The following CYP4F8 variants were observed in gnomAD, a reference collection of about 807,000 sequenced individuals.
CYP4F8 encodes the protein cytochrome P450 4F8.
A neutral mutation model predicts 55.0 loss-of-function variants in CYP4F8; 56 were observed. The observed-to-expected ratio is 1.02, with a 90% CI of 0.82 to 1.27. The LOEUF is 1.27. Ranked by LOEUF, CYP4F8 falls within the 50% of genes most tolerant of loss-of-function variation. The probability of loss-of-function intolerance (pLI) is 0.00; values close to 1 mark genes in which losing one functional copy is unlikely to be tolerated. For missense variants in CYP4F8, 680 were observed against 682.4 expected (o/e 1.00, Z 0.04); for synonymous variants, 288 against 267.3 (o/e 1.08, Z -0.76).
At position 15,618,050 on chromosome 19, in the gene CYP4F8, C is replaced by A; in HGVS notation, c.249C>A (p.Thr83=). 2 of 1,614,128 alleles carry A rather than the reference C, an allele frequency of 1.2e-6. No homozygotes were observed. Among genetic ancestry groups the A allele is most frequent in the Non-Finnish European group, 1.7e-6 (2 of 1,179,984 alleles). Reference sequence around the variant, plus strand: ...GGGTCCTGACCCAGCTGGTGGCCACCTACCCCCAGGGCTTTGTGAGGTGGT... The same window carrying A: ...GGGTCCTGACCCAGCTGGTGGCCACATACCCCCAGGGCTTTGTGAGGTGGT... ...GLRVLTQLVA[T]YPQGFVRWLG... is the part of the protein sequence containing the mutation. Residue 83 remains threonine, a synonymous_variant, in exon 3 of 13, where the codon ACC becomes ACA. Transcript: ENST00000612078.
In CYP4F8 at chr19:15,619,340, C is replaced by G; in HGVS notation, c.344-150C>G. 3 of 832,428 alleles carry G rather than the reference C, an allele frequency of 3.6e-6. No individual in the cohort carries two copies. The South Asian group carries it at 5.3e-5, about 15-fold the overall frequency. 51.6% of individuals were successfully genotyped at this position (832,428 alleles called of 1,614,324 possible). A position where few individuals can be genotyped will look rare whatever the true frequency, so the allele number is the denominator to read the frequency against. ...AGTCCGGTCCCCTTTATGCCCCCCA[C>G]CCTCCTTTCTTCTTCTGCCCATGGC... On this transcript the variant is annotated intron_variant, in intron 3 of 12. Transcript: ENST00000612078.
chr19:15,624,220 T>C, intron 9 of CYP4F8, 126 bp downstream of exon 9: 3 of 1,467,952 alleles, frequency 2.0e-6, no homozygotes, highest in Non-Finnish European at 1.8e-6. Flanking sequence ...CTAGTGGGAA[T>C]AGGAGTAGAG....
Position 15,629,425 on chromosome 19 carries a change from T to G in CYP4F8, c.*67T>G, listed in dbSNP as rs891028252. The stretch of plus-strand genomic sequence containing the variant: ...TTTGCACCAACTACCTTTTCAGATT[T>G]CCGGTAATAAATCTGTGTTGGCCCC... On this transcript the variant is annotated 3_prime_UTR_variant, in exon 13 of 13. Transcript: ENST00000612078. 9 of 1,484,240 alleles carry G rather than the reference T, an allele frequency of 6.1e-6. No homozygotes were observed. The highest frequency in any genetic ancestry group is 8.1e-6 in the Non-Finnish European group (9 of 1,115,556). 91.9% of individuals were successfully genotyped at this position (1,484,240 alleles called of 1,614,324 possible).
intron 9 of CYP4F8, chr19:15,627,909 C>T (rs1406320003): frequency 5.0e-6 from 1 of 201,368 alleles, no homozygotes; most frequent in South Asian, 7.7e-5. Flanking sequence ...CAGGTGCCCA[C>T]CACCATGCGT....
intron 9 of CYP4F8, chr19:15,627,990 C>A: frequency 3.0e-6 from 1 of 333,014 alleles, no homozygotes; most frequent in Admixed American, 4.8e-5. Flanking sequence ...AACTCCTGAC[C>A]TCAAGTGATC....
chr19:15,628,903 G>A (rs547101493), intron 12 of CYP4F8, 60 bp downstream of exon 12: 2 of 1,498,730 alleles, frequency 1.3e-6, no homozygotes, highest in South Asian at 2.5e-5. Context: ...TGGCTGCCTT[G>A]TCAGATGCCT....
At chr19:15,619,339 AC>A (rs1436889375) in intron 3 of CYP4F8, 150 bp from the exon 4 acceptor site, 3 of 804,078 alleles carry the variant, frequency 3.7e-6, no homozygotes, top group Non-Finnish European at 5.8e-6. Flanking sequence ...TATGCCCCCC[AC>A]CCTCCTTTCT....
chr19:15,618,061 G>A lies in CYP4F8; in HGVS notation c.260G>A (p.Gly87Asp), dbSNP rs376400817. 6.2e-7 allele frequency: 1 copy of A among 1,614,122 alleles called. No homozygotes were observed. The highest frequency in any genetic ancestry group is 8.5e-7 in the Non-Finnish European group (1 of 1,180,002). The stretch of plus-strand genomic sequence containing the variant: ...CAGCTGGTGGCCACCTACCCCCAGG[G>A]CTTTGTGAGGTGGTTGGGCCCCATC... ...LTQLVATYPQGFVRWLGPITP... is the reference protein window; with the variant it reads ...LTQLVATYPQDFVRWLGPITP... Residue 87 changes from glycine (G) to aspartate (D), a missense_variant, in exon 3 of 13, where the codon GGC (glycine) becomes GAC (aspartate). Coordinates refer to ENST00000612078, the MANE Select transcript of CYP4F8 (RefSeq NM_007253.4).
At chr19:15,621,697 T>C (rs1402131595) in intron 5 of CYP4F8, 1 of 152,524 alleles carries the variant, frequency 6.6e-6, no homozygotes, top group African/African-American at 2.4e-5. Flanking sequence ...ACTCATCATA[T>C]GACAGAAATG....
intron 5 of CYP4F8, 103 bp downstream of exon 5, chr19:15,619,865 T>TTG: frequency 7.1e-7 from 1 of 1,415,914 alleles, no homozygotes; most frequent in South Asian, 1.4e-5. Flanking sequence ...TTGGGGCCAT[T>TTG]GCTCTTCCTC....
In CYP4F8 at chr19:15,628,829, C is replaced by CACCTA; in HGVS notation, c.1383_1384insACCTA (p.Ser462ThrfsTer19). ...GGTCACCTATGGCTTTTATTCCTTT[C>CACCTA]TCGGCGGGGCCCAGGTGAGGCCAGG... On this transcript the variant is annotated frameshift_variant, in exon 12 of 13. Transcript: ENST00000612078. LOFTEE classifies it low-confidence loss of function (END_TRUNC). 1 of 1,603,472 alleles carries CACCTA rather than the reference C, an allele frequency of 6.2e-7. No homozygotes were observed. The highest frequency in any genetic ancestry group is 8.5e-7 in the Non-Finnish European group (1 of 1,175,440).
chr19:15,622,179 G>C (rs1168668639), intron 5 of CYP4F8, 40 bp from the exon 6 acceptor site: 1 of 1,592,830 alleles, frequency 6.3e-7, no homozygotes, highest in Non-Finnish European at 8.5e-7. Context: ...ACTCAGAGGA[G>C]CCAAGGCCTG....
At chr19:15,622,075 C>T in intron 5 of CYP4F8, 144 bp from the exon 6 acceptor site, 2 of 1,117,804 alleles carry the variant, frequency 1.8e-6, no homozygotes, top group Non-Finnish European at 2.5e-6. Flanking sequence ...CACTCTCACC[C>T]AAGCGTAGTC....
intron 3 of CYP4F8, chr19:15,619,275 T>C (rs925913758): frequency 8.8e-6 from 5 of 565,478 alleles, no homozygotes; most frequent in Non-Finnish European, 1.6e-5. Flanking sequence ...TGCTGTACCA[T>C]GTCAGGGTGT....
intron 2 of CYP4F8, 119 bp downstream of exon 2, chr19:15,615,933 T>TCACTCATTCCTCTTCC: frequency 2.7e-6 from 3 of 1,105,374 alleles, no homozygotes; most frequent in South Asian, 4.1e-5. Flanking sequence ...CTCTGATCAC[T>TCACTCATTCCTCTTCC]CACTCATTCC....
intron 7 of CYP4F8, 56 bp downstream of exon 7, chr19:15,623,431 T>A: frequency 6.3e-7 from 1 of 1,597,052 alleles, no homozygotes; most frequent in Non-Finnish European, 8.6e-7. Flanking sequence ...AGGTCAAATG[T>A]CAGATTGAAG....
Position 15,629,054 on chromosome 19 carries a change from T to TG in CYP4F8, c.1398-134dup, listed in dbSNP as rs539762031. ...GGCTCTGGGAATATGCAAGCCCACA[T>TG]GGGGGTCCCAGACCCAGCTTCCCCC... On this transcript the variant is annotated intron_variant, in intron 12 of 12. Coordinates refer to ENST00000612078, the MANE Select transcript of CYP4F8 (RefSeq NM_007253.4). The TG allele has an allele frequency of 5.2e-4, 693 of 1,320,728 alleles. 1 individual carries two copies. The African/African-American group carries it at 9.5e-3, about 18-fold the overall frequency. 81.8% of individuals were successfully genotyped at this position (1,320,728 alleles called of 1,614,324 possible).
chr19:15,615,475 C>A, intron 1 of CYP4F8, 141 bp from the exon 2 acceptor site: 2 of 919,950 alleles, frequency 2.2e-6, no homozygotes, highest in South Asian at 1.9e-5. Context: ...TCTCCTCTCC[C>A]CTCTCCCTTG....
chr19:15,626,992 T>C (rs1427779586), intron 9 of CYP4F8, among the ~76,000 whole-genome samples: 1 of 152,208 alleles, frequency 6.6e-6, no homozygotes, highest in Non-Finnish European at 1.5e-5. Flanking sequence ...CTTTAGCAGA[T>C]GTTAAGTTTC....
Sources: gnomAD v4.1 joint callset for allele counts (sites outside exome capture counted in the v4.1 genomes callset) on GRCh38, gnomAD v4.1.1 for gene constraint, MANE v1.5 for transcripts, NCBI Gene and HGNC (gene_info 2026-07-23, HGNC 2026-07-21) for gene names.